The following APP variants were observed in gnomAD, a reference collection of about 807,000 sequenced individuals.
APP encodes amyloid-beta precursor protein.
In APP, 31 loss-of-function variants were observed where a neutral mutation model predicts 101.4. That is an observed-to-expected ratio of 0.31 (90% confidence interval 0.23 to 0.41). The LOEUF is 0.41. Among genes scored for constraint, APP ranks in the 10% least tolerant of loss-of-function variants. The pLI is 1.00. For missense variants in APP, 839 were observed against 1,003.7 expected, an observed-to-expected ratio of 0.84 and a Z score of 2.22; for synonymous variants, 366 against 364.4, an observed-to-expected ratio of 1.00 and a Z score of -0.05.
chr21:26,003,636 C>CT (rs2043388615), intron 6 of APP, among the ~76,000 whole-genome samples: 2 of 152,234 alleles, frequency 1.3e-5, no homozygotes, highest in African/African-American at 4.8e-5. Context: ...GCTTTTGTTA[C>CT]TTCTCAATCT....
chr21:26,133,288 C>T (rs2062831648), intron 1 of APP, among the ~76,000 whole-genome samples: 1 of 152,182 alleles, frequency 6.6e-6, no homozygotes, highest in Non-Finnish European at 1.5e-5. Flanking sequence ...CGGCAGCCTA[C>T]GTAAGGAACC....
intron 3 of APP, among the ~76,000 whole-genome samples, chr21:26,081,820 T>C (rs1324280433): frequency 6.6e-6 from 1 of 152,240 alleles, no homozygotes; most frequent in Middle Eastern, 3.2e-3. Flanking sequence ...ACTTGTTCTC[T>C]AGCAGATTCT....
chr21:25,916,313 T>A (rs2039347277), intron 13 of APP, among the ~76,000 whole-genome samples: 1 of 152,090 alleles, frequency 6.6e-6, no homozygotes, highest in Non-Finnish European at 1.5e-5. Flanking sequence ...AGTGTAGTTT[T>A]AAGAGAAAAA....
chr21:25,976,690 C>A (rs943995912), intron 9 of APP, among the ~76,000 whole-genome samples: 8 of 152,176 alleles, frequency 5.3e-5, no homozygotes, highest in African/African-American at 1.9e-4. Context: ...ATGCAGCAAA[C>A]ATGTATTTTT....
At chr21:26,106,145 C>T (rs547547619) in intron 2 of APP, among the ~76,000 whole-genome samples, 11 of 152,288 alleles carry the variant, frequency 7.2e-5, no homozygotes, top group African/African-American at 2.4e-4. Context: ...CTACCAACAT[C>T]CCTGGTCTCC....
At chr21:25,931,303 C>T (rs569583981) in intron 13 of APP, among the ~76,000 whole-genome samples, 13 of 152,244 alleles carry the variant, frequency 8.5e-5, no homozygotes, top group African/African-American at 3.1e-4. Context: ...TACCGAGGCA[C>T]AGAGGACAAG....
At position 26,084,164 on chromosome 21, in the gene APP, T is replaced by A. The variant is rs1231239584; in HGVS notation, c.355+5779A>T. Among the ~76,000 whole-genome samples, 3 of 151,238 alleles carry A rather than the reference T, an allele frequency of 2.0e-5. 1 individual carries two copies. Among genetic ancestry groups the A allele is most frequent in the Admixed American group, 6.6e-5 (1 of 15,172 alleles). On this transcript the variant is annotated intron_variant, in intron 3 of 17. Coordinates refer to ENST00000346798, the MANE Select transcript of APP (RefSeq NM_000484.4). ...AATGCAATTGAGGCAATTATGGAAC[T>A]TGGGACAGGGCCAAGGAAGTGCTGC...
At chr21:25,989,404 T>C (rs1176360961) in intron 8 of APP, among the ~76,000 whole-genome samples, 2 of 152,208 alleles carry the variant, frequency 1.3e-5, no homozygotes, top group Admixed American at 6.5e-5. Flanking sequence ...CTGTGAAAGA[T>C]TGCCCCTATC....
At chr21:26,067,257 T>C (rs1271842539) in intron 3 of APP, among the ~76,000 whole-genome samples, 1 of 152,260 alleles carries the variant, frequency 6.6e-6, no homozygotes, top group Non-Finnish European at 1.5e-5. Flanking sequence ...TAAGACATTC[T>C]ACATTTGTTT....
chr21:25,951,233 T>C (rs2041062300), intron 13 of APP, among the ~76,000 whole-genome samples: 1 of 152,236 alleles, frequency 6.6e-6, no homozygotes, highest in African/African-American at 2.4e-5. Flanking sequence ...CCTTCACCGA[T>C]AGCATTCCTT....
At position 26,060,010 on chromosome 21, in the gene APP, C is replaced by T. The variant is rs184964063; in HGVS notation, c.356-6662G>A. On this transcript the variant is annotated intron_variant, in intron 3 of 17. Coordinates refer to ENST00000346798, the MANE Select transcript of APP (RefSeq NM_000484.4). ...CTGGGAGAATTAAATGAATTAATAT[C>T]CCTAAAGTACTCAACTAGTGCCCAG... 7.8e-4 allele frequency among the ~76,000 whole-genome samples: 118 copies of T among 150,974 alleles called. 1 individual carries two copies. Among genetic ancestry groups the T allele is most frequent in the Admixed American group, 2.8e-3 (43 of 15,116 alleles).
At chr21:25,952,481 G>A (rs2041132187) in intron 13 of APP, among the ~76,000 whole-genome samples, 1 of 151,830 alleles carries the variant, frequency 6.6e-6, no homozygotes, top group African/African-American at 2.4e-5. Flanking sequence ...CTATTCTTGG[G>A]CATTTCGTAA....
At chr21:26,167,211 T>C (rs1054275922) in intron 1 of APP, among the ~76,000 whole-genome samples, 2 of 152,218 alleles carry the variant, frequency 1.3e-5, no homozygotes, top group South Asian at 4.1e-4. Context: ...TTTGTTTTAT[T>C]ATCATGTGCA....
intron 15 of APP, among the ~76,000 whole-genome samples, chr21:25,900,177 T>G (rs1270422168): frequency 6.6e-6 from 1 of 152,080 alleles, no homozygotes; most frequent in African/African-American, 2.4e-5. Flanking sequence ...ATAGCCCTTT[T>G]AAATCTGAGA....
At chr21:26,162,228 C>G (rs915966839) in intron 1 of APP, among the ~76,000 whole-genome samples, 1 of 152,188 alleles carries the variant, frequency 6.6e-6, no homozygotes. Flanking sequence ...ACTCTGGAGG[C>G]TGGGGCAGGA....
At chr21:25,952,704 C>A (rs1300752866) in intron 13 of APP, among the ~76,000 whole-genome samples, 1 of 152,032 alleles carries the variant, frequency 6.6e-6, no homozygotes, top group Non-Finnish European at 1.5e-5. Flanking sequence ...GCCACTTCAA[C>A]TGAAGTCACA....
chr21:26,095,585 A>G (rs1017351598), intron 2 of APP, among the ~76,000 whole-genome samples: 1 of 152,198 alleles, frequency 6.6e-6, no homozygotes, highest in African/African-American at 2.4e-5. Flanking sequence ...CCTATAGGAA[A>G]AAAACATAGT....
At chr21:25,895,476 A>G (rs1481965059) in intron 16 of APP, among the ~76,000 whole-genome samples, 4 of 152,034 alleles carry the variant, frequency 2.6e-5, no homozygotes, top group African/African-American at 7.2e-5. Flanking sequence ...CATAACTTTT[A>G]TATGTACTGG....
intron 9 of APP, among the ~76,000 whole-genome samples, chr21:25,980,243 G>A (rs2042377889): frequency 6.6e-6 from 1 of 152,212 alleles, no homozygotes; most frequent in Non-Finnish European, 1.5e-5. Context: ...AAAATGACAA[G>A]CTGAGCATTC....
Sources: allele counts gnomAD v4.1 joint callset (sites outside exome capture counted in the v4.1 genomes callset), GRCh38; gene constraint gnomAD v4.1.1; transcripts MANE v1.5; gene names NCBI Gene and HGNC (gene_info 2026-07-23, HGNC 2026-07-21).